The following SNX14 variants were observed in gnomAD, a reference collection of about 807,000 sequenced individuals.
SNX14 encodes sorting nexin 14.
Under a neutral mutation model 133.8 loss-of-function variants are expected in SNX14, and 93 were observed. That is an observed-to-expected ratio of 0.70 (90% CI 0.59 to 0.83). SNX14 has a LOEUF of 0.83. SNX14 is among the 40% of genes least tolerant of loss of function. The pLI is 0.00. For synonymous variants in SNX14, 368 were observed against 365.6 expected (o/e 1.01, Z -0.07); for missense variants, 945 against 1,094.9 (o/e 0.86, Z 1.93).
intron 1 of SNX14, among the ~76,000 whole-genome samples, chr6:85,590,409 T>C (rs577948177): frequency 6.6e-6 from 1 of 152,246 alleles, no homozygotes; most frequent in Non-Finnish European, 1.5e-5. Context: ...GCTCTGCCTA[T>C]GGTGTAGCCA....
At position 85,505,793 on chromosome 6, in the gene SNX14, C is replaced by G. The variant is rs992763544; in HGVS notation, c.*174G>C. On this transcript the variant is annotated 3_prime_UTR_variant, in exon 29 of 29. Transcript: ENST00000314673. Reference sequence around the variant, plus strand: ...AGCTAGCAAATGAAAGACTATGAGACTCAATCACTTTTAATCATTAAGTTT... The same window carrying G: ...AGCTAGCAAATGAAAGACTATGAGAGTCAATCACTTTTAATCATTAAGTTT... 1 of 594,298 alleles carries G rather than the reference C, an allele frequency of 1.7e-6. No individual in the cohort carries two copies. Among genetic ancestry groups the G allele is most frequent in the Admixed American group, 3.3e-5 (1 of 30,376 alleles). 36.8% of individuals were successfully genotyped at this position (594,298 alleles called of 1,614,324 possible).
intron 12 of SNX14, among the ~76,000 whole-genome samples, chr6:85,545,063 C>T (rs1785032569): frequency 1.3e-5 from 2 of 152,050 alleles, no homozygotes; most frequent in South Asian, 4.1e-4. Flanking sequence ...AGAGGATGCT[C>T]TGAGGTACAC....
At chr6:85,548,475 G>C in intron 8 of SNX14, 99 bp from the exon 9 acceptor site, 1 of 909,062 alleles carries the variant, frequency 1.1e-6, no homozygotes, top group African/African-American at 1.7e-5. Flanking sequence ...TGTTAAAATG[G>C]AGACTATAAT....
intron 1 of SNX14, among the ~76,000 whole-genome samples, chr6:85,586,264 C>T (rs990549341): frequency 2.0e-5 from 3 of 152,266 alleles, no homozygotes; most frequent in Middle Eastern, 3.4e-3. Context: ...AAAGGTTTTA[C>T]ATTTTTAAAG....
chr6:85,509,565 T>G lies in SNX14; in HGVS notation c.2654-1506A>C, dbSNP rs564908194. On this transcript the variant is annotated intron_variant, in intron 26 of 28. Transcript: ENST00000314673. ...AGTAGTTTTGTGTTCACAATGAAACTGAGCAGAAGGAAGAGATTTCGCATA... is the reference window on the plus strand; with the variant it reads ...AGTAGTTTTGTGTTCACAATGAAACGGAGCAGAAGGAAGAGATTTCGCATA... 2.0e-5 allele frequency among the ~76,000 whole-genome samples: 3 copies of G among 152,318 alleles called. No individual in the cohort carries two copies. The South Asian group carries it at 6.2e-4, about 32-fold the overall frequency.
intron 1 of SNX14, chr6:85,589,670 T>C (rs1487425041): frequency 2.6e-5 from 4 of 152,290 alleles, no homozygotes; most frequent in African/African-American, 7.2e-5. Flanking sequence ...AGACCTTTTT[T>C]GTCATATCCA....
At chr6:85,558,592 G>A (rs1265914183) in intron 6 of SNX14, among the ~76,000 whole-genome samples, 1 of 152,114 alleles carries the variant, frequency 6.6e-6, no homozygotes, top group Non-Finnish European at 1.5e-5. Flanking sequence ...CTCCTGGGTA[G>A]CTGGGAATAC....
At chr6:85,519,963 A>G (rs925187309) in intron 21 of SNX14, among the ~76,000 whole-genome samples, 28 of 152,270 alleles carry the variant, frequency 1.8e-4, no homozygotes, top group African/African-American at 6.5e-4. Context: ...AAAAACCATA[A>G]TGAATACAAA....
rs1771335369 is a variant in SNX14 at position 85,507,978 on chromosome 6, A to G, written c.2735T>C (p.Leu912Pro). The change falls in exon 27 of 29, where the codon CTC becomes CCC. Residue 912 changes from leucine to proline, a missense_variant. Physicochemically the swap from Leu to Pro is moderately conservative, Grantham distance 98. Transcript: ENST00000314673. ...TTTAATGAGCTTTACCTGCTTGTTGAGTACTGGTTGCTGTAAGCCATCAAA... is the reference window on the plus strand; with the variant it reads ...TTTAATGAGCTTTACCTGCTTGTTGGGTACTGGTTGCTGTAAGCCATCAAA... ...LLFDGLQQPV[L>P]NKQLTYVLLD... The G allele has an allele frequency of 6.2e-7, 1 of 1,613,206 alleles. No homozygotes were observed. The highest frequency in any genetic ancestry group is 1.7e-5 in the Admixed American group (1 of 59,958).
intron 26 of SNX14, among the ~76,000 whole-genome samples, chr6:85,509,741 G>C (rs772690503): frequency 7.2e-5 from 11 of 151,986 alleles, no homozygotes; most frequent in Non-Finnish European, 1.6e-4. Context: ...TGTGGGTCTG[G>C]ACAAATAGAT....
At chr6:85,533,923 G>A (rs1054790955) in intron 17 of SNX14, 123 bp from the exon 18 acceptor site, 1 of 761,502 alleles carries the variant, frequency 1.3e-6, no homozygotes, top group South Asian at 2.1e-5. Flanking sequence ...CTGAAAGCTA[G>A]GTGATATTAA....
chr6:85,543,526 C>A, intron 13 of SNX14, 79 bp downstream of exon 13: 2 of 1,206,706 alleles, frequency 1.7e-6, no homozygotes, highest in East Asian at 2.7e-5. Flanking sequence ...CTGCAGCTAG[C>A]CACTGCAATA....
Position 85,593,852 on chromosome 6 carries a change from G to A in SNX14, c.-134C>T, listed in dbSNP as rs992080064. On this transcript the variant is annotated 5_prime_UTR_variant, in exon 1 of 29. Transcript: ENST00000314673. ...CGCCTACCGGCAGTTAGCCGCCGCA[G>A]GCTGAGGTCGCGTCCGGCTGGGCCC... 1.6e-5 allele frequency: 24 copies of A among 1,491,640 alleles called. No homozygotes were observed. The highest frequency in any genetic ancestry group is 1.9e-5 in the Non-Finnish European group (21 of 1,128,178). The allele number at this position is 1,491,640 out of a possible 1,614,324, so 92.4% of individuals were successfully genotyped here.
chr6:85,563,685 G>A (rs979584098), intron 6 of SNX14, among the ~76,000 whole-genome samples: 5 of 152,120 alleles, frequency 3.3e-5, no homozygotes, highest in Non-Finnish European at 7.3e-5. Flanking sequence ...GAGCCACCGC[G>A]CCTGGCTGAG....
chr6:85,545,525 A>C (rs761166285), intron 12 of SNX14, among the ~76,000 whole-genome samples: 28 of 152,224 alleles, frequency 1.8e-4, no homozygotes, highest in Non-Finnish European at 3.5e-4. Flanking sequence ...TTCAAGACTA[A>C]AAATTACCAA....
chr6:85,546,133 G>A (rs1283451080), intron 12 of SNX14, among the ~76,000 whole-genome samples: 1 of 152,218 alleles, frequency 6.6e-6, no homozygotes, highest in Non-Finnish European at 1.5e-5. Context: ...AGAGAAATGA[G>A]ACCAGTGATT....
intron 26 of SNX14, among the ~76,000 whole-genome samples, chr6:85,509,995 GAAT>G (rs1474419795): frequency 9.9e-5 from 15 of 152,090 alleles, no homozygotes; most frequent in African/African-American, 3.6e-4. Flanking sequence ...TTATAGCACT[GAAT>G]AATATCCCAT....
chr6:85,559,767 T>G (rs117304978), intron 6 of SNX14, among the ~76,000 whole-genome samples: 157 of 152,272 alleles, frequency 1.0e-3, no homozygotes, highest in Non-Finnish European at 2.0e-3. Context: ...ATAAAGGACA[T>G]GTATCCATAT....
intron 6 of SNX14, among the ~76,000 whole-genome samples, chr6:85,562,894 A>AT (rs904942526): frequency 6.6e-6 from 1 of 151,988 alleles, no homozygotes. Flanking sequence ...TGGAGTATAG[A>AT]TTTTTTTAAG....
Sources: allele counts gnomAD v4.1 joint callset (sites outside exome capture counted in the v4.1 genomes callset), GRCh38; gene constraint gnomAD v4.1.1; transcripts MANE v1.5; gene names NCBI Gene and HGNC (gene_info 2026-07-23, HGNC 2026-07-21).